ATXN7L1: variants seen among roughly 807,000 people sequenced by gnomAD.
The protein encoded by ATXN7L1 is ataxin-7-like protein 1.
Under a neutral mutation model 70.8 loss-of-function variants are expected in ATXN7L1, and 15 were observed. The observed-to-expected ratio is 0.21, with a 90% confidence interval of 0.14 to 0.33. The LOEUF (loss-of-function observed/expected upper bound fraction) is 0.33, where lower values mean the gene tolerates loss of function less well. Ranked by LOEUF, ATXN7L1 falls within the 10% of genes least tolerant of loss-of-function variation. The pLI is 1.00. For synonymous variants in ATXN7L1, 440 were observed against 445.1 expected (o/e 0.99, Z 0.14); for missense variants, 975 against 1,097.1 (o/e 0.89, Z 1.57).
At chr7:105,727,854 C>CATAT (rs762469110) in intron 3 of ATXN7L1, among the ~76,000 whole-genome samples, 3 of 130,596 alleles carry the variant, frequency 2.3e-5, no homozygotes, top group South Asian at 4.9e-4. Flanking sequence ...AAATGTTTTC[C>CATAT]ATATATATAT....
At chr7:105,674,006 C>T (rs1251943865) in intron 3 of ATXN7L1, among the ~76,000 whole-genome samples, 1 of 152,216 alleles carries the variant, frequency 6.6e-6, no homozygotes, top group African/African-American at 2.4e-5. Flanking sequence ...AAGCAGTTTC[C>T]ATGCCAGGAG....
intron 4 of ATXN7L1, among the ~76,000 whole-genome samples, chr7:105,651,833 T>A (rs1371524182): frequency 6.6e-6 from 1 of 152,174 alleles, no homozygotes; most frequent in Admixed American, 6.5e-5. Context: ...CTGAAGTATG[T>A]TAGGCATTGG....
intron 3 of ATXN7L1, among the ~76,000 whole-genome samples, chr7:105,728,050 T>G (rs1232118889): frequency 6.6e-6 from 1 of 152,060 alleles, no homozygotes; most frequent in Non-Finnish European, 1.5e-5. Context: ...TGTACTACTT[T>G]GCTTCTCATG....
At chr7:105,637,060 G>A (rs907234911) in intron 7 of ATXN7L1, among the ~76,000 whole-genome samples, 6 of 152,212 alleles carry the variant, frequency 3.9e-5, no homozygotes, top group African/African-American at 1.4e-4. Flanking sequence ...ATCTTGCAAA[G>A]TGAGGGGTGG....
intron 3 of ATXN7L1, among the ~76,000 whole-genome samples, chr7:105,784,335 C>T (rs190368671): frequency 6.6e-6 from 1 of 152,186 alleles, no homozygotes; most frequent in African/African-American, 2.4e-5. Flanking sequence ...CAGAGAATCC[C>T]CTTGGTATGG....
chr7:105,868,884 A>C (rs988057902), intron 2 of ATXN7L1, among the ~76,000 whole-genome samples: 1 of 152,224 alleles, frequency 6.6e-6, no homozygotes, highest in African/African-American at 2.4e-5. Context: ...TATCATATAC[A>C]GTGTTTCCGT....
intron 4 of ATXN7L1, among the ~76,000 whole-genome samples, chr7:105,657,671 G>A (rs1222443277): frequency 2.4e-5 from 3 of 126,088 alleles, no homozygotes; most frequent in Admixed American, 1.9e-4. Flanking sequence ...TACTCCAGCC[G>A]CAGCCTGGGT....
chr7:105,753,197 T>C (rs1799407195), intron 3 of ATXN7L1, among the ~76,000 whole-genome samples: 2 of 152,154 alleles, frequency 1.3e-5, no homozygotes, highest in Non-Finnish European at 2.9e-5. Context: ...TAGGGGCGGT[T>C]GTAGAAGTGG....
chr7:105,755,849 T>A (rs1799737139), intron 3 of ATXN7L1, among the ~76,000 whole-genome samples: 2 of 152,172 alleles, frequency 1.3e-5, no homozygotes, highest in Non-Finnish European at 2.9e-5. Flanking sequence ...AGAGATGCTC[T>A]GCGTTGGGAG....
At chr7:105,721,864 G>A (rs566577947) in intron 3 of ATXN7L1, among the ~76,000 whole-genome samples, 1 of 152,314 alleles carries the variant, frequency 6.6e-6, no homozygotes, top group South Asian at 2.1e-4. Flanking sequence ...AAACTCCTTT[G>A]AGAAATTTTG....
intron 2 of ATXN7L1, among the ~76,000 whole-genome samples, chr7:105,824,009 G>C (rs1810509952): frequency 6.6e-6 from 1 of 152,160 alleles, no homozygotes; most frequent in Non-Finnish European, 1.5e-5. Context: ...GCATGGTGAA[G>C]GGATGGGGTG....
intron 4 of ATXN7L1, among the ~76,000 whole-genome samples, chr7:105,651,038 G>C (rs182783280): frequency 4.6e-5 from 7 of 152,126 alleles, no homozygotes; most frequent in Admixed American, 4.6e-4. Flanking sequence ...GATGCATTAC[G>C]GTATCACAGC....
chr7:105,727,746 G>GTGTGTGTATATATA (rs1333693053), intron 3 of ATXN7L1, among the ~76,000 whole-genome samples: 1 of 55,356 alleles, frequency 1.8e-5, no homozygotes, highest in Non-Finnish European at 2.9e-5. Flanking sequence ...GTGTATGTGT[G>GTGTGTGTATATATA]TATATATATA....
intron 2 of ATXN7L1, among the ~76,000 whole-genome samples, chr7:105,839,989 C>A (rs1324041842): frequency 6.6e-6 from 1 of 152,206 alleles, no homozygotes; most frequent in African/African-American, 2.4e-5. Context: ...CTCATTTGAA[C>A]TGGGCCTTCA....
chr7:105,680,777 G>C lies in ATXN7L1; in HGVS notation c.356-15489C>G, dbSNP rs529361736. Among the ~76,000 whole-genome samples the C allele has an allele frequency of 4.6e-5, 7 of 152,312 alleles. No homozygotes were observed. The South Asian group carries it at 1.4e-3, about 32-fold the overall frequency. ...AACACAGATGAAAGGGCAGGCCCGAGGCCTGGGAACCTGAGTCTTTCCAGA... is the reference window on the plus strand; with the variant it reads ...AACACAGATGAAAGGGCAGGCCCGACGCCTGGGAACCTGAGTCTTTCCAGA... On this transcript the variant is annotated intron_variant, in intron 3 of 11. Coordinates refer to ENST00000419735, the MANE Select transcript of ATXN7L1 (RefSeq NM_020725.2).
intron 4 of ATXN7L1, among the ~76,000 whole-genome samples, chr7:105,650,464 T>C (rs1437668170): frequency 2.0e-5 from 3 of 152,256 alleles, no homozygotes; most frequent in African/African-American, 4.8e-5. Context: ...GGAAGCATAG[T>C]GTCTAATCTC....
chr7:105,723,994 A>C (rs1239105499), intron 3 of ATXN7L1, among the ~76,000 whole-genome samples: 1 of 152,230 alleles, frequency 6.6e-6, no homozygotes, highest in Non-Finnish European at 1.5e-5. Context: ...TCTTTGATGT[A>C]ACGAGGATAT....
intron 2 of ATXN7L1, among the ~76,000 whole-genome samples, chr7:105,818,105 T>A (rs1809468050): frequency 6.6e-6 from 1 of 152,134 alleles, no homozygotes; most frequent in Admixed American, 6.5e-5. Context: ...TTCTGGTGAG[T>A]GCTGGATACC....
At chr7:105,794,710 A>G (rs1805740843) in intron 2 of ATXN7L1, among the ~76,000 whole-genome samples, 1 of 152,222 alleles carries the variant, frequency 6.6e-6, no homozygotes, top group Admixed American at 6.5e-5. Flanking sequence ...AGAGCCAGGT[A>G]AACAAGTTGA....
Sources: gnomAD v4.1 joint callset for allele counts (sites outside exome capture counted in the v4.1 genomes callset) on GRCh38, gnomAD v4.1.1 for gene constraint, MANE v1.5 for transcripts, NCBI Gene and HGNC (gene_info 2026-07-23, HGNC 2026-07-21) for gene names.